Variants in NHS observed in about 807,000 individuals in gnomAD.
NHS encodes the protein NHS actin remodeling regulator.
A neutral mutation model predicts 72.5 loss-of-function variants in NHS; 5 were observed. That is an observed-to-expected ratio of 0.07 (90% CI 0.04 to 0.14). The LOEUF (loss-of-function observed/expected upper bound fraction) is 0.14. NHS is among the 10% of genes least tolerant of loss of function. The pLI is 1.00. For synonymous variants in NHS, 464 were observed against 547.7 expected (o/e 0.85, Z 2.13); for missense variants, 1,072 against 1,355.7 (o/e 0.79, Z 3.29).
At chrX:17,600,632 C>T (rs1041116468) in intron 1 of NHS, among the ~76,000 whole-genome samples, 4 of 111,537 alleles carry the variant, frequency 3.6e-5, no homozygotes, top group African/African-American at 1.3e-4. Context: ...TAACAAAAGG[C>T]AATTATTTTT....
At chrX:17,710,572 T>G (rs946071551) in intron 3 of NHS, among the ~76,000 whole-genome samples, 1 of 111,907 alleles carries the variant, frequency 8.9e-6, no homozygotes, top group Non-Finnish European at 1.9e-5. Context: ...TATAACATTT[T>G]CAAAAAGACA....
At chrX:17,602,391 G>T (rs2065654899) in intron 1 of NHS, among the ~76,000 whole-genome samples, 1 of 111,607 alleles carries the variant, frequency 9.0e-6, no homozygotes, top group Non-Finnish European at 1.9e-5. Context: ...CTGGTCTTTG[G>T]TAATAACTGA....
chrX:17,494,537 G>A (rs2065004359), intron 1 of NHS, among the ~76,000 whole-genome samples: 1 of 112,381 alleles, frequency 8.9e-6, no homozygotes, highest in South Asian at 3.7e-4. Flanking sequence ...TGTGGAGAGT[G>A]CTTGGAAAAA....
intron 1 of NHS, among the ~76,000 whole-genome samples, chrX:17,532,804 G>T (rs1319359225): frequency 9.0e-6 from 1 of 111,715 alleles, no homozygotes; most frequent in Non-Finnish European, 1.9e-5. Flanking sequence ...CACTAACCTG[G>T]GTTCAAACCC....
At chrX:17,551,625 G>GC (rs2065336810) in intron 1 of NHS, among the ~76,000 whole-genome samples, 1 of 112,243 alleles carries the variant, frequency 8.9e-6, no homozygotes, top group Non-Finnish European at 1.9e-5. Context: ...ATGGTGGGGT[G>GC]CGGGGGGGCC....
At chrX:17,645,926 A>G (rs2065903824) in intron 1 of NHS, among the ~76,000 whole-genome samples, 2 of 111,605 alleles carry the variant, frequency 1.8e-5, no homozygotes, top group Non-Finnish European at 3.8e-5. Context: ...TTCTCCTTTT[A>G]TGTATATATG....
At chrX:17,684,369 TG>T (rs2066148270) in intron 1 of NHS, among the ~76,000 whole-genome samples, 2 of 112,030 alleles carry the variant, frequency 1.8e-5, no homozygotes, top group South Asian at 7.5e-4. Flanking sequence ...GTCAGGAGTC[TG>T]GGTATGAGTT....
At chrX:17,431,981 C>A (rs2064696477) in intron 1 of NHS, among the ~76,000 whole-genome samples, 2 of 112,017 alleles carry the variant, frequency 1.8e-5, no homozygotes, top group Non-Finnish European at 3.8e-5. Context: ...GTGTCTTCAT[C>A]CCATGTATAG....
chrX:17,616,121 T>G (rs1474789894), intron 1 of NHS, among the ~76,000 whole-genome samples: 1 of 111,832 alleles, frequency 8.9e-6, no homozygotes, highest in Non-Finnish European at 1.9e-5. Flanking sequence ...GTATCAAAGG[T>G]AAAGAAAGAT....
At chrX:17,472,319 GAGAGAGAGAC>G (rs1346249711) in intron 1 of NHS, among the ~76,000 whole-genome samples, 5 of 110,878 alleles carry the variant, frequency 4.5e-5, no homozygotes, top group Non-Finnish European at 9.4e-5. Context: ...GAAAGAGAGA[GAGAGAGAGAC>G]AGAGAGAGAC....
chrX:17,448,753 C>A (rs1220060655), intron 1 of NHS, among the ~76,000 whole-genome samples: 1 of 111,667 alleles, frequency 9.0e-6, no homozygotes, highest in African/African-American at 3.3e-5. Flanking sequence ...ATAGCCTGAG[C>A]AGAGGGGAGT....
intron 1 of NHS, among the ~76,000 whole-genome samples, chrX:17,621,967 C>T (rs1322257649): frequency 1.8e-5 from 2 of 112,085 alleles, no homozygotes; most frequent in Non-Finnish European, 3.8e-5. Flanking sequence ...ATGGCCTCTT[C>T]TGAATTGGGA....
chrX:17,543,767 C>T (rs1258694593), intron 1 of NHS, among the ~76,000 whole-genome samples: 1 of 111,880 alleles, frequency 8.9e-6, no homozygotes, highest in Non-Finnish European at 1.9e-5. Flanking sequence ...TGTGTCAGTG[C>T]TTCTCTTCAG....
chrX:17,422,468 G>A (rs144252145), intron 1 of NHS, among the ~76,000 whole-genome samples: 1,317 of 110,994 alleles, frequency 0.012, 22 homozygotes, highest in African/African-American at 0.041. Flanking sequence ...GTCTCTTCTC[G>A]ATGGTTCTTT....
At chrX:17,509,416 G>A (rs1454026483) in intron 1 of NHS, among the ~76,000 whole-genome samples, 4 of 110,414 alleles carry the variant, frequency 3.6e-5, no homozygotes, top group African/African-American at 6.6e-5. Context: ...TAGTAAAGAC[G>A]AGGTTTCTCC....
chrX:17,468,176 T>C (rs2064877626), intron 1 of NHS, among the ~76,000 whole-genome samples: 1 of 111,278 alleles, frequency 9.0e-6, no homozygotes, highest in African/African-American at 3.3e-5. Flanking sequence ...CCTCTGCTGG[T>C]TTTTCCCATC....
At chrX:17,606,442 C>T (rs1442038138) in intron 1 of NHS, among the ~76,000 whole-genome samples, 2 of 111,922 alleles carry the variant, frequency 1.8e-5, no homozygotes, top group South Asian at 3.7e-4. Flanking sequence ...GTTGTCTTCC[C>T]GCCAAGTTTC....
At chrX:17,586,544 G>A (rs1165130517) in intron 1 of NHS, 1 of 112,532 alleles carries the variant, frequency 8.9e-6, no homozygotes, top group African/African-American at 3.2e-5. Context: ...TCAATAAACA[G>A]ATCAGATTCT....
chrX:17,437,460 C>T (rs1162975743), intron 1 of NHS, among the ~76,000 whole-genome samples: 1 of 111,805 alleles, frequency 8.9e-6, no homozygotes, highest in African/African-American at 3.3e-5. Flanking sequence ...ACCCATTTCT[C>T]TGGTAGGCAG....
Sources: gnomAD v4.1 joint callset for allele counts (sites outside exome capture counted in the v4.1 genomes callset) on GRCh38, gnomAD v4.1.1 for gene constraint, MANE v1.5 for transcripts, NCBI Gene and HGNC (gene_info 2026-07-23, HGNC 2026-07-21) for gene names.